RASSF8: variants seen among roughly 807,000 people sequenced by gnomAD.
RASSF8 encodes Ras association domain family member 8.
RASSF8 carries 22 observed loss-of-function variants against 48.5 expected under a neutral mutation model. The observed-to-expected ratio is 0.45, with a 90% CI of 0.32 to 0.65. The LOEUF is 0.65. Among genes scored for constraint, RASSF8 ranks in the 30% least tolerant of loss-of-function variants. RASSF8 has a pLI of 0.03. For missense variants in RASSF8, 418 were observed against 489.2 expected, an observed-to-expected ratio of 0.85 and a Z score of 1.37; for synonymous variants, 127 against 171.5, an observed-to-expected ratio of 0.74 and a Z score of 2.03.
intron 1 of RASSF8, among the ~76,000 whole-genome samples, chr12:25,986,456 C>T (rs1339615109): frequency 6.6e-6 from 1 of 152,180 alleles, no homozygotes; most frequent in Non-Finnish European, 1.5e-5. Context: ...GGGCAGTTTT[C>T]TCTTTGAAGC....
chr12:26,065,229 C>T lies in RASSF8; in HGVS notation c.835C>T (p.Arg279Trp), dbSNP rs760534449. The T allele has an allele frequency of 1.8e-5, 29 of 1,613,902 alleles. 1 individual carries two copies. In the Middle Eastern group the frequency reaches 2.1e-3, roughly 119 times the overall value. Residue 279 changes from arginine to tryptophan, a missense_variant, in exon 4 of 6, where the codon CGG becomes TGG. By Grantham distance (101) the Arg-to-Trp change is moderately radical (BLOSUM62 -3). Transcript: ENST00000689635. ...TGGTCTTGAAGCAGAAAAATTGCAACGGGAAGTTCAAGAGGCACAGGTCAA... is the reference window on the plus strand; with the variant it reads ...TGGTCTTGAAGCAGAAAAATTGCAATGGGAAGTTCAAGAGGCACAGGTCAA... ...ESGLEAEKLQ[R>W]EVQEAQVNEE...
At chr12:26,023,771 G>T (rs950137868) in intron 2 of RASSF8, among the ~76,000 whole-genome samples, 2 of 152,036 alleles carry the variant, frequency 1.3e-5, no homozygotes, top group South Asian at 2.1e-4. Context: ...GATTTTAAAA[G>T]AAATTATAAA....
chr12:26,035,454 G>T (rs74210654), intron 2 of RASSF8, among the ~76,000 whole-genome samples: 2 of 60,506 alleles, frequency 3.3e-5, no homozygotes, highest in African/African-American at 6.1e-5. Context: ...ATAAGTATAT[G>T]AAATTATATA....
Position 26,067,573 on chromosome 12 carries a change from A to G in RASSF8, c.998A>G (p.Lys333Arg), listed in dbSNP as rs1425662063. ...AAAATAATAATTTCCATCTAGGACA[A>G]AGAACAGGAACTGGAGCAGTTGACT... Reference protein sequence around the residue: ...LGQATKRLQDKEQELEQLTKE... With the variant: ...LGQATKRLQDREQELEQLTKE... Residue 333 changes from lysine to arginine, a missense_variant, in exon 5 of 6, where the codon AAA (lysine) becomes AGA (arginine). Transcript: ENST00000689635. 1.2e-6 allele frequency: 2 copies of G among 1,612,852 alleles called. No homozygotes were observed. The highest frequency in any genetic ancestry group is 4.5e-5 in the East Asian group (2 of 44,758).
intron 4 of RASSF8, 74 bp from the exon 5 acceptor site, chr12:26,067,495 G>A: frequency 7.0e-7 from 1 of 1,426,662 alleles, no homozygotes; most frequent in East Asian, 2.5e-5. Flanking sequence ...TGTAGCAGAT[G>A]GATCCTCACA....
downstream of RASSF8, among the ~76,000 whole-genome samples, chr12:26,074,787 TATAAAC>T (rs749462926): frequency 6.6e-6 from 1 of 151,956 alleles, no homozygotes; most frequent in Non-Finnish European, 1.5e-5. Flanking sequence ...TGGAAGGTGA[TATAAAC>T]AAGAAGGGCT....
intron 2 of RASSF8, among the ~76,000 whole-genome samples, chr12:26,030,622 T>C (rs1943009601): frequency 6.6e-6 from 1 of 152,128 alleles, no homozygotes; most frequent in Non-Finnish European, 1.5e-5. Context: ...TAGAAATACA[T>C]GTTAGTCAAG....
intron 2 of RASSF8, among the ~76,000 whole-genome samples, chr12:26,031,715 G>C (rs1259139452): frequency 6.6e-6 from 1 of 152,188 alleles, no homozygotes; most frequent in African/African-American, 2.4e-5. Flanking sequence ...TTGTTAGGTA[G>C]GGTCTGCGGG....
intron 2 of RASSF8, among the ~76,000 whole-genome samples, chr12:26,051,122 A>G (rs1943480600): frequency 6.6e-6 from 1 of 152,208 alleles, no homozygotes; most frequent in Non-Finnish European, 1.5e-5. Context: ...TTGACACTGG[A>G]AAAGTTATTT....
chr12:26,066,213 T>C (rs912830297), intron 4 of RASSF8, among the ~76,000 whole-genome samples: 1 of 152,186 alleles, frequency 6.6e-6, no homozygotes, highest in Admixed American at 6.5e-5. Flanking sequence ...ATTTCCACCA[T>C]TGAAGGAGGT....
At chr12:26,024,774 G>T (rs1942867430) in intron 2 of RASSF8, among the ~76,000 whole-genome samples, 1 of 151,896 alleles carries the variant, frequency 6.6e-6, no homozygotes, top group Non-Finnish European at 1.5e-5. Flanking sequence ...GGCTAACATG[G>T]TGAAACCTTG....
chr12:26,024,893 C>A (rs751751856), intron 2 of RASSF8, among the ~76,000 whole-genome samples: 2 of 151,984 alleles, frequency 1.3e-5, no homozygotes, highest in African/African-American at 4.8e-5. Flanking sequence ...GGAGGCGGAG[C>A]TTGCAGTGAG....
intron 2 of RASSF8, among the ~76,000 whole-genome samples, chr12:26,053,201 T>TC: frequency 6.7e-6 from 1 of 150,026 alleles, no homozygotes; most frequent in Non-Finnish European, 1.5e-5. Flanking sequence ...AAAAAAAAAG[T>TC]CCTATAGAAT....
chr12:26,031,647 G>A (rs1943033130), intron 2 of RASSF8, among the ~76,000 whole-genome samples: 1 of 152,168 alleles, frequency 6.6e-6, no homozygotes, highest in Non-Finnish European at 1.5e-5. Flanking sequence ...TAAGTAGTTG[G>A]TGGTCTGAGA....
At chr12:26,000,048 A>G (rs1340966888) in intron 2 of RASSF8, among the ~76,000 whole-genome samples, 1 of 152,246 alleles carries the variant, frequency 6.6e-6, no homozygotes, top group Non-Finnish European at 1.5e-5. Flanking sequence ...AATTTCTCAT[A>G]GATCAGTGAT....
intron 1 of RASSF8, among the ~76,000 whole-genome samples, chr12:25,980,999 G>A (rs781191958): frequency 1.3e-4 from 20 of 152,156 alleles, no homozygotes; most frequent in Non-Finnish European, 2.6e-4. Flanking sequence ...TTTATGGGCA[G>A]TATAAGGAGA....
At chr12:25,958,304 T>G (rs2136791693), upstream of RASSF8, 2 of 151,930 alleles carry the variant, frequency 1.3e-5, no homozygotes, top group South Asian at 4.2e-4. Context: ...GAGCCACCGG[T>G]CATCTCCCCG....
intron 2 of RASSF8, among the ~76,000 whole-genome samples, chr12:26,016,074 C>T (rs1565619832): frequency 6.6e-6 from 1 of 152,048 alleles, no homozygotes; most frequent in Admixed American, 6.5e-5. Flanking sequence ...AGACTCAGAA[C>T]CTTCAACTAT....
intron 2 of RASSF8, among the ~76,000 whole-genome samples, chr12:26,032,442 A>T (rs1943048889): frequency 6.6e-6 from 1 of 152,200 alleles, no homozygotes; most frequent in Non-Finnish European, 1.5e-5. Context: ...GTATTTCCCA[A>T]AGTCAAGTTC....
Sources: allele counts gnomAD v4.1 joint callset (sites outside exome capture counted in the v4.1 genomes callset), GRCh38; gene constraint gnomAD v4.1.1; transcripts MANE v1.5; gene names NCBI Gene and HGNC (gene_info 2026-07-23, HGNC 2026-07-21).